Variants in RIN2 observed in about 807,000 individuals in gnomAD.
The protein encoded by RIN2 is Ras and Rab interactor 2, also known as RAB5 interacting protein 2.
Under a neutral mutation model 78.0 loss-of-function variants are expected in RIN2, and 36 were observed. That is an observed-to-expected ratio of 0.46 (90% CI 0.35 to 0.61). RIN2 has a LOEUF of 0.61. RIN2 is among the 20% of genes least tolerant of loss of function. RIN2 has a pLI of 0.00. For synonymous variants in RIN2, 466 were observed against 466.8 expected (o/e 1.00, Z 0.02); for missense variants, 1,087 against 1,159.7 (o/e 0.94, Z 0.91).
chr20:19,776,188 C>T (rs1303972998), intron 1 of RIN2, among the ~76,000 whole-genome samples: 2 of 152,234 alleles, frequency 1.3e-5, no homozygotes, highest in East Asian at 1.9e-4. Flanking sequence ...AAGTGGGAGT[C>T]GGACATGCCT....
chr20:19,911,993 C>T (rs191584953), intron 3 of RIN2, among the ~76,000 whole-genome samples: 65 of 152,330 alleles, frequency 4.3e-4, no homozygotes, highest in African/African-American at 1.5e-3. Context: ...GAAGGATCTA[C>T]AGGGCTCCCT....
intron 1 of RIN2, among the ~76,000 whole-genome samples, chr20:19,778,279 TAAAAA>T (rs1568743137): frequency 2.0e-5 from 3 of 152,212 alleles, no homozygotes; most frequent in African/African-American, 4.8e-5. Context: ...CAAAAGACCC[TAAAAA>T]TCACTGAATC....
chr20:19,790,065 A>G (rs1009974529), intron 1 of RIN2, among the ~76,000 whole-genome samples: 65 of 152,310 alleles, frequency 4.3e-4, no homozygotes, highest in African/African-American at 1.5e-3. Context: ...TGTGGCACCC[A>G]GAATTGAACA....
intron 2 of RIN2, among the ~76,000 whole-genome samples, chr20:19,877,342 G>A (rs6112627): frequency 0.63 from 95,778 of 152,042 alleles, 30,771 homozygotes; most frequent in Non-Finnish European, 0.7. Context: ...ACAAGGCAGA[G>A]GTATTTTTCA....
intron 12 of RIN2, among the ~76,000 whole-genome samples, chr20:19,997,068 T>C (rs1419462469): frequency 1.3e-5 from 2 of 152,142 alleles, no homozygotes; most frequent in African/African-American, 2.4e-5. Context: ...CCAAGTTGAA[T>C]TAAGGCAGAA....
intron 4 of RIN2, among the ~76,000 whole-genome samples, chr20:19,938,078 A>T (rs527688414): frequency 1.6e-4 from 24 of 152,184 alleles, no homozygotes; most frequent in Admixed American, 2.6e-4. Context: ...CTGGGACCCC[A>T]CACCTCCCTG....
At chr20:19,898,803 T>A (rs556947874) in intron 3 of RIN2, among the ~76,000 whole-genome samples, 21 of 152,210 alleles carry the variant, frequency 1.4e-4, no homozygotes, top group South Asian at 8.3e-4. Flanking sequence ...AGCATGGCAA[T>A]GAAAGGACAA....
intron 1 of RIN2, among the ~76,000 whole-genome samples, chr20:19,765,010 G>C (rs1420788374): frequency 7.4e-6 from 1 of 135,498 alleles, no homozygotes; most frequent in Non-Finnish European, 1.5e-5. Context: ...TGCAACCTCT[G>C]CCTACCAGGT....
At chr20:19,841,494 T>G (rs1170442370) in intron 2 of RIN2, among the ~76,000 whole-genome samples, 1 of 151,780 alleles carries the variant, frequency 6.6e-6, no homozygotes, top group Non-Finnish European at 1.5e-5. Flanking sequence ...AAAGGCAGAG[T>G]CTCCTCTTTC....
chr20:19,803,638 G>T (rs963022288), intron 2 of RIN2, among the ~76,000 whole-genome samples: 3 of 152,152 alleles, frequency 2.0e-5, no homozygotes, highest in Middle Eastern at 6.8e-3. Flanking sequence ...CTAAAAATCA[G>T]ATCTTTGTTC....
chr20:19,873,280 A>G (rs1271463494), intron 2 of RIN2, among the ~76,000 whole-genome samples: 1 of 151,592 alleles, frequency 6.6e-6, no homozygotes, highest in African/African-American at 2.4e-5. Flanking sequence ...ATGTGCCACC[A>G]CTCTTGGCTA....
intron 2 of RIN2, among the ~76,000 whole-genome samples, chr20:19,839,444 C>T (rs1655819473): frequency 6.6e-6 from 1 of 152,192 alleles, no homozygotes; most frequent in African/African-American, 2.4e-5. Context: ...CATGGAAACT[C>T]GATGAGGTTC....
At chr20:19,851,036 AGGAAGGAAGGAAGG>A (rs1254465454) in intron 2 of RIN2, among the ~76,000 whole-genome samples, 37 of 112,430 alleles carry the variant, frequency 3.3e-4, no homozygotes, top group Non-Finnish European at 4.1e-4. Context: ...GAAGGAAGGA[AGGAAGGAAGGAAGG>A]AGAAAGAAAG....
intron 1 of RIN2, among the ~76,000 whole-genome samples, chr20:19,773,595 G>A (rs1276994588): frequency 6.6e-6 from 1 of 152,088 alleles, no homozygotes; most frequent in African/African-American, 2.4e-5. Flanking sequence ...CAAGCGAGGT[G>A]GGTGGTTCCT....
At chr20:19,777,287 T>G (rs1460248043) in intron 1 of RIN2, among the ~76,000 whole-genome samples, 2 of 152,252 alleles carry the variant, frequency 1.3e-5, no homozygotes, top group Non-Finnish European at 2.9e-5. Flanking sequence ...TTCACCCCAC[T>G]AGGCCCCTTC....
intron 5 of RIN2, among the ~76,000 whole-genome samples, chr20:19,958,427 C>T (rs138166137): frequency 2.1e-4 from 32 of 152,370 alleles, no homozygotes; most frequent in Non-Finnish European, 3.5e-4. Flanking sequence ...AGGGCACGTC[C>T]ACTCTTGCTG....
At position 19,771,664 on chromosome 20, in the gene RIN2, A is replaced by G. The variant is rs371437756; in HGVS notation, c.-163+13337A>G. ...CTTGTTTTTCAAATTACATTTTTAT[A>G]TGCATAGGAGTGAAGGAGAGTTTGG... is the stretch of plus-strand genomic sequence containing the variant. On this transcript the variant is annotated intron_variant, in intron 1 of 12. Transcript: ENST00000255006. 5.3e-4 allele frequency among the ~76,000 whole-genome samples: 81 copies of G among 152,312 alleles called. 1 individual carries two copies. The South Asian group carries it at 5.4e-3, about 10-fold the overall frequency.
At position 19,764,116 on chromosome 20, in the gene RIN2, T is replaced by C. The variant is rs142838183; in HGVS notation, c.-163+5789T>C. On this transcript the variant is annotated intron_variant, in intron 1 of 12. Transcript: ENST00000255006. Reference sequence around the variant, plus strand: ...TCCAATAAATTGGATAAAGAGACTTTTTGTTTTTTATGTACCTGATTTTAT... The same window carrying C: ...TCCAATAAATTGGATAAAGAGACTTCTTGTTTTTTATGTACCTGATTTTAT... Among the ~76,000 whole-genome samples, 1,132 of 152,254 alleles carry C rather than the reference T, an allele frequency of 7.4e-3. 15 individuals carry two copies. The highest frequency in any genetic ancestry group is 0.026 in the African/African-American group (1,069 of 41,560).
At chr20:19,822,863 CAATGTACTCTGCAA>C (rs1283256204) in intron 2 of RIN2, among the ~76,000 whole-genome samples, 1 of 152,068 alleles carries the variant, frequency 6.6e-6, no homozygotes, top group Non-Finnish European at 1.5e-5. Context: ...AATTTCTGAA[CAATGTACTCTGCAA>C]AAAGAGGTGA....
Sources: gnomAD v4.1 joint callset for allele counts (sites outside exome capture counted in the v4.1 genomes callset) on GRCh38, gnomAD v4.1.1 for gene constraint, MANE v1.5 for transcripts, NCBI Gene and HGNC (gene_info 2026-07-23, HGNC 2026-07-21) for gene names.